PTPRR: variants seen among roughly 807,000 people sequenced by gnomAD.
The protein encoded by PTPRR is protein tyrosine phosphatase receptor type R, also known as receptor-type tyrosine-protein phosphatase R.
In PTPRR, 38 loss-of-function variants were observed where a neutral mutation model predicts 77.2. The observed-to-expected ratio is 0.49, with a 90% CI of 0.38 to 0.65. The LOEUF is 0.65. PTPRR is among the 30% of genes least tolerant of loss of function. The pLI, the probability that PTPRR is intolerant of heterozygous loss-of-function variation, is 0.00. For missense variants in PTPRR, 744 were observed against 799.2 expected, an observed-to-expected ratio of 0.93 and a Z score of 0.83; for synonymous variants, 299 against 283.1, an observed-to-expected ratio of 1.06 and a Z score of -0.57.
chr12:70,786,580 G>A lies in PTPRR; in HGVS notation c.358-21802C>T, dbSNP rs1002079802. Among the ~76,000 whole-genome samples, 9 of 152,132 alleles carry A rather than the reference G, an allele frequency of 5.9e-5. No homozygotes were observed. The East Asian group carries it at 1.7e-3, about 29-fold the overall frequency. ...CACATGCAAAAGCTTAAGCTCTGAA[G>A]GGGCACAGAGACCACACAAGCTCTG... On this transcript the variant is annotated intron_variant, in intron 2 of 13. Coordinates refer to ENST00000283228, the MANE Select transcript of PTPRR (RefSeq NM_002849.4).
At chr12:70,647,253 A>G (rs912872051) in intron 13 of PTPRR, among the ~76,000 whole-genome samples, 1 of 152,226 alleles carries the variant, frequency 6.6e-6, no homozygotes, top group Non-Finnish European at 1.5e-5. Flanking sequence ...TCTGTTTTAA[A>G]ATTCTTCCAG....
intron 6 of PTPRR, among the ~76,000 whole-genome samples, chr12:70,742,372 T>C (rs1456256059): frequency 6.6e-6 from 1 of 152,150 alleles, no homozygotes; most frequent in Non-Finnish European, 1.5e-5. Context: ...TCATGCCCAC[T>C]ATATTGGTGG....
At position 70,788,789 on chromosome 12, in the gene PTPRR, TCTGC is replaced by T. The variant is rs1891373268; in HGVS notation, c.358-24015_358-24012del. On this transcript the variant is annotated intron_variant, in intron 2 of 13. Coordinates refer to ENST00000283228, the MANE Select transcript of PTPRR (RefSeq NM_002849.4). The stretch of plus-strand genomic sequence containing the variant: ...GCTCTTAACATTACACCGAGGACCC[TCTGC>T]CTATCATGAGAGATTATCTCACCTG... The T allele has an allele frequency of 4.9e-6, 7 of 1,421,322 alleles. No individual in the cohort carries two copies. In the East Asian group the frequency reaches 1.7e-4, roughly 35 times the overall value. 88.0% of individuals were successfully genotyped at this position (1,421,322 alleles called of 1,614,324 possible).
chr12:70,752,668 T>C (rs1890440649), intron 5 of PTPRR, among the ~76,000 whole-genome samples: 2 of 152,190 alleles, frequency 1.3e-5, no homozygotes. Context: ...TCACATCCAT[T>C]GATCCCCTGA....
At chr12:70,682,630 C>T (rs1592668851) in intron 10 of PTPRR, among the ~76,000 whole-genome samples, 1 of 151,978 alleles carries the variant, frequency 6.6e-6, no homozygotes, top group African/African-American at 2.4e-5. Context: ...TGCTGTATTA[C>T]ATAAGTTCTA....
intron 2 of PTPRR, among the ~76,000 whole-genome samples, chr12:70,777,824 C>T (rs1891122529): frequency 6.6e-6 from 1 of 152,174 alleles, no homozygotes; most frequent in African/African-American, 2.4e-5. Flanking sequence ...CTCAGAAACC[C>T]ACATTAAATA....
intron 2 of PTPRR, among the ~76,000 whole-genome samples, chr12:70,853,447 A>G (rs1892603466): frequency 6.6e-6 from 1 of 152,218 alleles, no homozygotes; most frequent in Admixed American, 6.5e-5. Context: ...TTGACTCCAA[A>G]GCATGGACAT....
chr12:70,682,611 T>C (rs1436290200), intron 10 of PTPRR, among the ~76,000 whole-genome samples: 1 of 152,146 alleles, frequency 6.6e-6, no homozygotes, highest in Admixed American at 6.6e-5. Flanking sequence ...TTTTTCAGGT[T>C]ATCTAGTCTG....
chr12:70,878,176 C>T (rs1054333330), intron 2 of PTPRR, among the ~76,000 whole-genome samples: 24 of 152,116 alleles, frequency 1.6e-4, no homozygotes, highest in African/African-American at 4.6e-4. Context: ...ATACCATTCA[C>T]GACATAGGCA....
intron 1 of PTPRR, among the ~76,000 whole-genome samples, chr12:70,910,115 G>A (rs1269897244): frequency 1.3e-5 from 2 of 151,672 alleles, no homozygotes; most frequent in African/African-American, 4.8e-5. Flanking sequence ...TCTTTTCATT[G>A]GTCTTATATT....
At chr12:70,764,000 T>C (rs1198871389) in intron 3 of PTPRR, among the ~76,000 whole-genome samples, 1 of 148,510 alleles carries the variant, frequency 6.7e-6, no homozygotes, top group Non-Finnish European at 1.5e-5. Context: ...ACAGATCCTT[T>C]GGGTTTACTT....
chr12:70,660,782 C>T (rs983905960), intron 12 of PTPRR, among the ~76,000 whole-genome samples, 158 bp downstream of exon 12: 3 of 152,200 alleles, frequency 2.0e-5, no homozygotes, highest in African/African-American at 4.8e-5. Context: ...TCAGCATAAT[C>T]TTGATTCAGA....
At chr12:70,668,837 G>T (rs548026473) in intron 10 of PTPRR, among the ~76,000 whole-genome samples, 1 of 152,068 alleles carries the variant, frequency 6.6e-6, no homozygotes, top group African/African-American at 2.4e-5. Flanking sequence ...CTTTTGTAAA[G>T]GCAAACATGG....
intron 2 of PTPRR, among the ~76,000 whole-genome samples, chr12:70,892,059 T>G (rs1215533382): frequency 6.6e-6 from 1 of 152,084 alleles, no homozygotes; most frequent in African/African-American, 2.4e-5. Context: ...ACCTCTGACC[T>G]GGGTTATACA....
At chr12:70,877,352 A>G (rs1298848603) in intron 2 of PTPRR, among the ~76,000 whole-genome samples, 2 of 152,190 alleles carry the variant, frequency 1.3e-5, no homozygotes, top group Non-Finnish European at 2.9e-5. Context: ...AAACCCTGTC[A>G]ATTATCATCA....
At chr12:70,801,773 A>G (rs554181175) in intron 2 of PTPRR, among the ~76,000 whole-genome samples, 2 of 151,976 alleles carry the variant, frequency 1.3e-5, no homozygotes, top group Non-Finnish European at 2.9e-5. Context: ...ATAGCTATCT[A>G]TCTCCCTCCC....
At chr12:70,842,854 C>T (rs1379816928) in intron 2 of PTPRR, among the ~76,000 whole-genome samples, 3 of 152,170 alleles carry the variant, frequency 2.0e-5, no homozygotes, top group African/African-American at 7.2e-5. Flanking sequence ...CCTACCACAG[C>T]AAGACATTTA....
chr12:70,651,927 G>T (rs1265606901), intron 13 of PTPRR, among the ~76,000 whole-genome samples: 3 of 151,592 alleles, frequency 2.0e-5, no homozygotes, highest in Non-Finnish European at 4.4e-5. Context: ...AGGCCAAGAT[G>T]CTTCTTTTCC....
At chr12:70,889,509 G>A (rs913773278) in intron 2 of PTPRR, among the ~76,000 whole-genome samples, 4 of 152,070 alleles carry the variant, frequency 2.6e-5, no homozygotes, top group African/African-American at 9.7e-5. Context: ...TCAAATACCT[G>A]ACAAAAAGTA....
Sources: allele counts gnomAD v4.1 joint callset (sites outside exome capture counted in the v4.1 genomes callset), GRCh38; gene constraint gnomAD v4.1.1; transcripts MANE v1.5; gene names NCBI Gene and HGNC (gene_info 2026-07-23, HGNC 2026-07-21).